ARFGEF3: variants seen among roughly 807,000 people sequenced by gnomAD.
The protein encoded by ARFGEF3 is ARFGEF family member 3, also known as brefeldin A-inhibited guanine nucleotide-exchange protein 3.
In ARFGEF3, 96 loss-of-function variants were observed where a neutral mutation model predicts 221.7. The ratio of observed to expected loss-of-function variants is 0.43; its 90% CI spans 0.37 to 0.51. The LOEUF is 0.51. ARFGEF3 is among the 20% of genes least tolerant of loss of function. ARFGEF3 has a pLI of 0.00. For synonymous variants in ARFGEF3, 1,145 were observed against 1,126.8 expected (o/e 1.02, Z -0.32); for missense variants, 2,410 against 2,789.9 (o/e 0.86, Z 3.07).
intron 23 of ARFGEF3, 131 bp downstream of exon 23, chr6:138,307,528 T>A: frequency 1.2e-6 from 1 of 863,186 alleles, no homozygotes; most frequent in Non-Finnish European, 1.8e-6. Flanking sequence ...GGAAAGAATG[T>A]GGTGTAGCAG....
rs1348367347 is a variant in ARFGEF3 at position 138,215,885 on chromosome 6, T to A, written c.351+5844T>A. On this transcript the variant is annotated intron_variant, in intron 4 of 33. Coordinates refer to ENST00000251691, the MANE Select transcript of ARFGEF3 (RefSeq NM_020340.5). The stretch of plus-strand genomic sequence containing the variant: ...GTGTGTGTGTGTGTGTGTGTGTGTG[T>A]GTGAAAGAGAGAGAGAGAGAGAGAG... 7 of 99,178 alleles carry A rather than the reference T, an allele frequency of 7.1e-5. No individual in the cohort carries two copies. In the East Asian group the frequency reaches 1.6e-3, roughly 22 times the overall value. The allele number at this position is 99,178 out of a possible 1,614,324, so 6.1% of individuals were successfully genotyped here.
rs151002155 is a variant in ARFGEF3 at position 138,286,750 on chromosome 6, C to G, written c.2619C>G (p.Ile873Met). The G allele has an allele frequency of 6.2e-7, 1 of 1,614,014 alleles. No homozygotes were observed. The highest frequency in any genetic ancestry group is 1.7e-5 in the Admixed American group (1 of 60,028). Reference protein sequence around the residue: ...YILVGCWKNLIDTLSTPLTGR... With the variant: ...YILVGCWKNLMDTLSTPLTGR... Reference sequence around the variant, plus strand: ...TGGTGGGCTGCTGGAAGAACTTGATCGATACTTTATCAACCCCACTGACTG... The same window carrying G: ...TGGTGGGCTGCTGGAAGAACTTGATGGATACTTTATCAACCCCACTGACTG... Residue 873 changes from isoleucine to methionine, a missense_variant, in exon 16 of 34, where the codon ATC becomes ATG. Physicochemically the swap from Ile to Met is conservative, Grantham distance 10. Coordinates refer to ENST00000251691, the MANE Select transcript of ARFGEF3 (RefSeq NM_020340.5).
intron 2 of ARFGEF3, among the ~76,000 whole-genome samples, chr6:138,202,205 A>C (rs981742082): frequency 6.6e-6 from 1 of 152,204 alleles, no homozygotes; most frequent in African/African-American, 2.4e-5. Context: ...GGTTTTTGCT[A>C]TGCCCTTTTC....
chr6:138,189,754 C>A (rs1249996807), intron 2 of ARFGEF3, among the ~76,000 whole-genome samples: 1 of 152,070 alleles, frequency 6.6e-6, no homozygotes, highest in East Asian at 1.9e-4. Flanking sequence ...TGCTAGATAT[C>A]TTCTCCTCTT....
intron 12 of ARFGEF3, among the ~76,000 whole-genome samples, chr6:138,273,734 T>C (rs555963950): frequency 9.9e-5 from 15 of 152,218 alleles, no homozygotes; most frequent in African/African-American, 3.4e-4. Flanking sequence ...TGGTAAACAA[T>C]AGGGCAGGAT....
Position 138,209,840 on chromosome 6 carries a change from A to AG in ARFGEF3, c.220-70_220-69insG, listed in dbSNP as rs1253445337. ...GTAAGAAAACTGATCATCAATCCAT[A>AG]ATAAGATACAACCAAATAAGGCAGC... On this transcript the variant is annotated intron_variant, in intron 3 of 33. Transcript: ENST00000251691. 3 of 1,567,162 alleles carry AG rather than the reference A, an allele frequency of 1.9e-6. No homozygotes were observed. The African/African-American group carries it at 4.1e-5, about 21-fold the overall frequency.
chr6:138,225,942 T>TC (rs781505929), intron 4 of ARFGEF3, among the ~76,000 whole-genome samples: 13 of 152,216 alleles, frequency 8.5e-5, no homozygotes, highest in Non-Finnish European at 1.5e-4. Flanking sequence ...ATTTATTTGT[T>TC]CCTGTAACTA....
chr6:138,274,303 C>A (rs1011311782), intron 12 of ARFGEF3, among the ~76,000 whole-genome samples: 2 of 152,156 alleles, frequency 1.3e-5, no homozygotes, highest in Admixed American at 6.5e-5. Flanking sequence ...AACACCCAAT[C>A]CTGAATGCTA....
At chr6:138,201,033 A>G (rs891099119) in intron 2 of ARFGEF3, among the ~76,000 whole-genome samples, 4 of 152,240 alleles carry the variant, frequency 2.6e-5, no homozygotes, top group African/African-American at 9.6e-5. Context: ...ACAGTTCTCA[A>G]AAGAAGACAT....
At chr6:138,265,107 G>A (rs1191018700) in intron 12 of ARFGEF3, among the ~76,000 whole-genome samples, 1 of 152,028 alleles carries the variant, frequency 6.6e-6, no homozygotes, top group East Asian at 1.9e-4. Context: ...GTTTCGCTGT[G>A]TTAGCCAGGA....
intron 4 of ARFGEF3, among the ~76,000 whole-genome samples, chr6:138,223,895 A>G (rs1778029909): frequency 1.3e-5 from 2 of 152,212 alleles, no homozygotes; most frequent in Admixed American, 1.3e-4. Flanking sequence ...TTTTATGACC[A>G]TCTTCATACC....
chr6:138,245,466 G>C, intron 7 of ARFGEF3, 47 bp from the exon 8 acceptor site: 1 of 1,341,182 alleles, frequency 7.5e-7, no homozygotes, highest in Non-Finnish European at 1.1e-6. Context: ...GGAGCTCGTC[G>C]TGCCCCCTGT....
At chr6:138,212,150 T>A (rs1268231361) in intron 4 of ARFGEF3, among the ~76,000 whole-genome samples, 1 of 152,244 alleles carries the variant, frequency 6.6e-6, no homozygotes. Flanking sequence ...AATGCTTAAA[T>A]CTAGCTAATT....
chr6:138,284,415 C>T (rs1260861894), intron 14 of ARFGEF3, among the ~76,000 whole-genome samples: 2 of 152,206 alleles, frequency 1.3e-5, no homozygotes, highest in Non-Finnish European at 2.9e-5. Flanking sequence ...TATATTTCAA[C>T]TCCATAGTCA....
Position 138,286,037 on chromosome 6 carries a change from T to C in ARFGEF3, c.2553T>C (p.Asp851=). 1.2e-6 allele frequency: 2 copies of C among 1,603,734 alleles called. No homozygotes were observed. The highest frequency in any genetic ancestry group is 1.7e-6 in the Non-Finnish European group (2 of 1,176,816). Residue 851 remains aspartate (D), a synonymous_variant, in exon 15 of 34, where the codon GAT becomes GAC. Transcript: ENST00000251691. ...CTTTCGCCCAGAGCAGGAGAATTGA[T>C]GACTCCACAGTGGCAGGTAATGACT... ...ESPFAQSRRI[D]DSTVAGVAFA... is the part of the protein sequence containing the mutation.
At chr6:138,254,392 C>G (rs1423272060) in intron 9 of ARFGEF3, among the ~76,000 whole-genome samples, 1 of 150,022 alleles carries the variant, frequency 6.7e-6, no homozygotes, top group African/African-American at 2.5e-5. Flanking sequence ...GCACTCCAGC[C>G]TGGGTGACAG....
intron 4 of ARFGEF3, among the ~76,000 whole-genome samples, chr6:138,223,666 G>A (rs371669824): frequency 9.9e-5 from 15 of 152,214 alleles, no homozygotes; most frequent in African/African-American, 3.6e-4. Context: ...CATAGGGGTA[G>A]GTTGACTCCC....
At chr6:138,168,936 A>G (rs1776772692) in intron 1 of ARFGEF3, among the ~76,000 whole-genome samples, 1 of 152,194 alleles carries the variant, frequency 6.6e-6, no homozygotes, top group African/African-American at 2.4e-5. Context: ...TCCCTAGCCC[A>G]GGACCTGGTT....
At chr6:138,190,984 T>G (rs1419458045) in intron 2 of ARFGEF3, among the ~76,000 whole-genome samples, 1 of 152,178 alleles carries the variant, frequency 6.6e-6, no homozygotes, top group Non-Finnish European at 1.5e-5. Context: ...ATTTACCAAC[T>G]GTATTCATGG....
Sources: allele counts gnomAD v4.1 joint callset (sites outside exome capture counted in the v4.1 genomes callset), GRCh38; gene constraint gnomAD v4.1.1; transcripts MANE v1.5; gene names NCBI Gene and HGNC (gene_info 2026-07-23, HGNC 2026-07-21).